LIFR: variants seen among roughly 807,000 people sequenced by gnomAD.
The protein encoded by LIFR is LIF receptor subunit alpha, also known as leukemia inhibitory factor receptor.
A neutral mutation model predicts 122.2 loss-of-function variants in LIFR; 84 were observed. The ratio of observed to expected loss-of-function variants is 0.69; its 90% CI spans 0.58 to 0.82. The LOEUF (loss-of-function observed/expected upper bound fraction) is 0.82, where lower values mean the gene tolerates loss of function less well. Among genes scored for constraint, LIFR ranks in the 40% least tolerant of loss-of-function variants. The pLI is 0.00. For synonymous variants in LIFR, 422 were observed against 434.7 expected (o/e 0.97, Z 0.36); for missense variants, 1,294 against 1,311.6 (o/e 0.99, Z 0.21).
At chr5:38,586,631 T>A (rs899784721) in intron 1 of LIFR, among the ~76,000 whole-genome samples, 4 of 152,158 alleles carry the variant, frequency 2.6e-5, no homozygotes, top group Admixed American at 1.3e-4. Context: ...ATATTTCTGT[T>A]TAAAAAACAA....
intron 5 of LIFR, among the ~76,000 whole-genome samples, chr5:38,520,003 A>T (rs1554022827): frequency 6.6e-6 from 1 of 152,140 alleles, no homozygotes; most frequent in Non-Finnish European, 1.5e-5. Flanking sequence ...GGACTGCTGG[A>T]TCCTATAGGA....
At chr5:38,489,994 C>CAAAAAAA (rs58235156) in intron 15 of LIFR, among the ~76,000 whole-genome samples, 196 bp downstream of exon 15, 1 of 49,664 alleles carries the variant, frequency 2.0e-5, no homozygotes, top group East Asian at 6.1e-4. Flanking sequence ...GACCCTCTCT[C>CAAAAAAA]AAAAAAAAAA....
chr5:38,603,655 A>G (rs1010144453), intron 2 of LIFR, among the ~76,000 whole-genome samples: 1 of 146,230 alleles, frequency 6.8e-6, no homozygotes. Context: ...TTCTGGAAGC[A>G]TTTTTGGAAA....
intron 1 of LIFR, among the ~76,000 whole-genome samples, chr5:38,564,743 C>CT (rs1748956160): frequency 4.0e-5 from 3 of 75,618 alleles, no homozygotes; most frequent in Admixed American, 1.5e-4. Flanking sequence ...ACTACACACA[C>CT]ACACACACAC....
chr5:38,483,894 C>G (rs975076965), intron 18 of LIFR, among the ~76,000 whole-genome samples: 3 of 152,112 alleles, frequency 2.0e-5, no homozygotes, highest in Non-Finnish European at 2.9e-5. Flanking sequence ...GAGGACTGGT[C>G]TAAGCATGAA....
chr5:38,513,512 T>C lies in LIFR; in HGVS notation c.562-1548A>G, dbSNP rs184698429. Among the ~76,000 whole-genome samples the C allele has an allele frequency of 4.6e-5, 7 of 152,344 alleles. No homozygotes were observed. In the East Asian group the frequency reaches 1.4e-3, roughly 29 times the overall value. ...TATGTTCTGGAAAAGTAAAACAGAA[T>C]ATCTTTGGATTGAAGAATTTTAGGA... On this transcript the variant is annotated intron_variant, in intron 5 of 19. Transcript: ENST00000453190.
intron 16 of LIFR, 149 bp from the exon 17 acceptor site, chr5:38,486,129 A>G: frequency 1.4e-6 from 1 of 724,438 alleles, no homozygotes; most frequent in South Asian, 1.6e-5. Flanking sequence ...ACCTTGTTCA[A>G]GCTCTACCCC....
chr5:38,558,934 C>T (rs752658756), upstream of LIFR: 2 of 152,204 alleles, frequency 1.3e-5, no homozygotes, highest in Admixed American at 6.5e-5. Flanking sequence ...TCCAGGCTGC[C>T]CTAGCACCAC....
intron 1 of LIFR, among the ~76,000 whole-genome samples, chr5:38,540,140 C>G (rs1747510301): frequency 6.6e-6 from 1 of 152,122 alleles, no homozygotes; most frequent in African/African-American, 2.4e-5. Flanking sequence ...GAATAGGTGA[C>G]AGGTAGGGGC....
At chr5:38,539,440 A>G (rs1747468075) in intron 1 of LIFR, among the ~76,000 whole-genome samples, 2 of 152,086 alleles carry the variant, frequency 1.3e-5, no homozygotes, top group African/African-American at 4.8e-5. Context: ...TGTAAAATCC[A>G]TAGTCTAGGA....
intron 5 of LIFR, among the ~76,000 whole-genome samples, chr5:38,517,173 T>C (rs1011867662): frequency 1.3e-5 from 2 of 152,062 alleles, no homozygotes; most frequent in African/African-American, 4.8e-5. Context: ...ACCTTCAGGT[T>C]TGTACATGTA....
chr5:38,482,033 G>A lies in LIFR; in HGVS notation c.2856C>T (p.Pro952=). The part of the protein sequence containing the change: ...ENHVVVSYCP[P]IIEEEIPNPA... Reference sequence around the variant, plus strand: ...GGTTTGGTATTTCTTCCTCAATGATGGGTGGACAATAGGACACAACCACAT... The same window carrying A: ...GGTTTGGTATTTCTTCCTCAATGATAGGTGGACAATAGGACACAACCACAT... The change falls in exon 20 of 20, where the codon CCC becomes CCT. Residue 952 remains proline (P), a synonymous_variant. Coordinates refer to ENST00000453190, the MANE Select transcript of LIFR (RefSeq NM_001127671.2). The A allele has an allele frequency of 6.2e-7, 1 of 1,613,934 alleles. No individual in the cohort carries two copies. Among genetic ancestry groups the A allele is most frequent in the Non-Finnish European group, 8.5e-7 (1 of 1,179,934 alleles).
intron 1 of LIFR, among the ~76,000 whole-genome samples, chr5:38,534,760 T>A (rs1747204881): frequency 6.6e-6 from 1 of 152,152 alleles, no homozygotes; most frequent in Non-Finnish European, 1.5e-5. Flanking sequence ...GGTGTGAGTG[T>A]GGACAAACCC....
In LIFR at chr5:38,531,487, G is replaced by GA. The variant is rs984957550; in HGVS notation, c.-19-822dup. Among the ~76,000 whole-genome samples the GA allele has an allele frequency of 1.3e-4, 19 of 148,808 alleles. No homozygotes were observed. In the East Asian group the frequency reaches 1.8e-3, roughly 14 times the overall value. ...ATATAGGAAACAAGAAAACTTAAAA[G>GA]AAAAAAAAAGAACCTAAAAAACTCT... On this transcript the variant is annotated intron_variant, in intron 1 of 19. Coordinates refer to ENST00000453190, the MANE Select transcript of LIFR (RefSeq NM_001127671.2).
intron 1 of LIFR, among the ~76,000 whole-genome samples, chr5:38,571,296 A>G (rs1314928696): frequency 6.6e-6 from 1 of 152,202 alleles, no homozygotes; most frequent in Non-Finnish European, 1.5e-5. Context: ...TCATGCCTGT[A>G]AGCCCAGCAC....
At chr5:38,552,523 C>A (rs1748258086) in intron 1 of LIFR, among the ~76,000 whole-genome samples, 1 of 152,186 alleles carries the variant, frequency 6.6e-6, no homozygotes, top group Admixed American at 6.5e-5. Flanking sequence ...TACACACACC[C>A]ACACACAAAA....
intron 1 of LIFR, among the ~76,000 whole-genome samples, chr5:38,578,190 CT>C (rs1320373453): frequency 7.0e-5 from 9 of 127,676 alleles, no homozygotes; most frequent in Admixed American, 5.9e-4. Context: ...TTTTTCTTTT[CT>C]TTTCTTTTTC....
chr5:38,518,400 A>G (rs538661093), intron 5 of LIFR, among the ~76,000 whole-genome samples: 23 of 152,268 alleles, frequency 1.5e-4, no homozygotes, highest in Non-Finnish European at 2.5e-4. Flanking sequence ...GATAAAAAGA[A>G]TCAAGGTATA....
intron 1 of LIFR, among the ~76,000 whole-genome samples, chr5:38,593,014 C>T (rs978090479): frequency 6.6e-6 from 1 of 152,048 alleles, no homozygotes; most frequent in Non-Finnish European, 1.5e-5. Flanking sequence ...ACCAGCCTGA[C>T]CAACATGGTC....
Sources: gnomAD v4.1 joint callset for allele counts (sites outside exome capture counted in the v4.1 genomes callset) on GRCh38, gnomAD v4.1.1 for gene constraint, MANE v1.5 for transcripts, NCBI Gene and HGNC (gene_info 2026-07-23, HGNC 2026-07-21) for gene names.